DGKB: variants seen among roughly 807,000 people sequenced by gnomAD.
DGKB encodes the protein diacylglycerol kinase beta.
Under a neutral mutation model 114.3 loss-of-function variants are expected in DGKB, and 67 were observed. The observed-to-expected ratio is 0.59, with a 90% CI of 0.48 to 0.72. The LOEUF (loss-of-function observed/expected upper bound fraction) is 0.72, where lower values mean the gene tolerates loss of function less well. Ranked by LOEUF, DGKB falls within the 30% of genes least tolerant of loss-of-function variation. The pLI is 0.00. For synonymous variants in DGKB, 398 were observed against 323.1 expected, an observed-to-expected ratio of 1.23 and a Z score of -2.49; for missense variants, 907 against 975.2, an observed-to-expected ratio of 0.93 and a Z score of 0.93.
chr7:14,640,227 T>C (rs1235604946), intron 13 of DGKB, among the ~76,000 whole-genome samples: 1 of 152,182 alleles, frequency 6.6e-6, no homozygotes, highest in Non-Finnish European at 1.5e-5. Context: ...GAAATTGATA[T>C]TTTATTAAAG....
At chr7:14,631,299 T>G (rs1809662047) in intron 13 of DGKB, among the ~76,000 whole-genome samples, 1 of 144,050 alleles carries the variant, frequency 6.9e-6, no homozygotes, top group South Asian at 2.2e-4. Flanking sequence ...AATAGCTGAA[T>G]CTGAGATAGG....
At chr7:14,320,291 G>A (rs1807506358) in intron 23 of DGKB, among the ~76,000 whole-genome samples, 1 of 152,032 alleles carries the variant, frequency 6.6e-6, no homozygotes, top group African/African-American at 2.4e-5. Context: ...GACTTGGTTG[G>A]TCTAACAAAA....
chr7:14,166,869 A>G (rs1255196497), intron 25 of DGKB, among the ~76,000 whole-genome samples: 3 of 152,170 alleles, frequency 2.0e-5, no homozygotes, highest in Admixed American at 2.0e-4. Flanking sequence ...TGGTACAAAA[A>G]TAGGAAAGAA....
At chr7:14,622,520 G>T (rs1218661335) in intron 14 of DGKB, among the ~76,000 whole-genome samples, 1 of 152,006 alleles carries the variant, frequency 6.6e-6, no homozygotes, top group African/African-American at 2.4e-5. Context: ...CCACATGAAG[G>T]CCTAAAGCAC....
At chr7:14,670,452 G>A (rs145753313) in intron 13 of DGKB, among the ~76,000 whole-genome samples, 48 of 151,986 alleles carry the variant, frequency 3.2e-4, no homozygotes, top group African/African-American at 1.1e-3. Flanking sequence ...ACAGGTGCCT[G>A]CCACCACGTA....
At chr7:14,616,504 C>T (rs1806555913) in intron 15 of DGKB, among the ~76,000 whole-genome samples, 1 of 151,572 alleles carries the variant, frequency 6.6e-6, no homozygotes. Flanking sequence ...TGCTGCAATC[C>T]TAAAATATTG....
intron 15 of DGKB, among the ~76,000 whole-genome samples, chr7:14,615,078 T>C (rs1012567303): frequency 8.6e-5 from 13 of 152,044 alleles, no homozygotes; most frequent in African/African-American, 3.1e-4. Context: ...CTATTACAAA[T>C]TGAAACTCCT....
intron 1 of DGKB, among the ~76,000 whole-genome samples, chr7:14,882,330 C>A (rs751028269): frequency 2.6e-5 from 4 of 152,022 alleles, no homozygotes; most frequent in African/African-American, 9.7e-5. Flanking sequence ...AGGACCATAT[C>A]TTCTTTGCTC....
rs576269478 is a variant in DGKB at position 14,353,107 on chromosome 7, T to C, written c.1836-7716A>G. The stretch of plus-strand genomic sequence containing the variant: ...GATGCTTCCAACATTTCATGGGAAG[T>C]AGCAAAATCTAACTCAAGAAACCCT... On this transcript the variant is annotated intron_variant, in intron 21 of 25. Transcript: ENST00000402815. Among the ~76,000 whole-genome samples, 20 of 152,224 alleles carry C rather than the reference T, an allele frequency of 1.3e-4. 1 individual carries two copies. In the East Asian group the frequency reaches 3.9e-3, roughly 29 times the overall value.
chr7:14,618,041 T>C (rs757998544), intron 15 of DGKB, among the ~76,000 whole-genome samples: 57 of 151,514 alleles, frequency 3.8e-4, no homozygotes, highest in Non-Finnish European at 7.7e-4. Flanking sequence ...TGGGTTTACA[T>C]TGAGAGTTAG....
chr7:14,400,326 C>A (rs1016605800), intron 21 of DGKB, among the ~76,000 whole-genome samples: 3 of 151,768 alleles, frequency 2.0e-5, no homozygotes, highest in Admixed American at 6.6e-5. Context: ...AATCACTGAG[C>A]TAATCCAATA....
intron 20 of DGKB, among the ~76,000 whole-genome samples, chr7:14,564,133 G>C (rs1004239942): frequency 3.3e-5 from 5 of 152,148 alleles, no homozygotes; most frequent in African/African-American, 1.2e-4. Context: ...TGCTTGCTCT[G>C]TGCTGAGCAA....
In DGKB at chr7:14,951,796, T is replaced by G. The variant is rs538054354; in HGVS notation, c.-188+22900A>C. On this transcript the variant is annotated intron_variant, in intron 1 of 4. Coordinates refer to the DGKB transcript ENST00000437998. ...TATAGAACTCTATTTTCTACTCATT[T>G]TTCCTATAAACATTAAAGTGCTCAA... is the stretch of plus-strand genomic sequence containing the variant. 1.8e-4 allele frequency among the ~76,000 whole-genome samples: 27 copies of G among 152,112 alleles called. No homozygotes were observed. In the East Asian group the frequency reaches 5.1e-3, roughly 28 times the overall value.
intron 23 of DGKB, among the ~76,000 whole-genome samples, chr7:14,187,217 G>A (rs115424608): frequency 9.8e-4 from 149 of 152,240 alleles, no homozygotes; most frequent in African/African-American, 3.4e-3. Flanking sequence ...GAATACTCTG[G>A]AGAAGCTCAG....
intron 13 of DGKB, among the ~76,000 whole-genome samples, chr7:14,631,153 G>C (rs1414637344): frequency 6.6e-6 from 1 of 150,918 alleles, no homozygotes; most frequent in African/African-American, 2.4e-5. Context: ...CGAGCTATCT[G>C]AGGGAGGGTC....
chr7:14,443,670 G>C (rs918173351), intron 21 of DGKB, among the ~76,000 whole-genome samples: 1 of 151,916 alleles, frequency 6.6e-6, no homozygotes, highest in African/African-American at 2.4e-5. Flanking sequence ...AACTTTAAAG[G>C]TTCTCTCATT....
At chr7:14,948,106 A>C (rs758650579) in intron 1 of DGKB, among the ~76,000 whole-genome samples, 1 of 151,832 alleles carries the variant, frequency 6.6e-6, no homozygotes, top group Non-Finnish European at 1.5e-5. Flanking sequence ...CAACAAAAGC[A>C]AACAATTTTT....
intron 20 of DGKB, among the ~76,000 whole-genome samples, chr7:14,562,385 T>C (rs1047427657): frequency 1.3e-5 from 2 of 152,124 alleles, no homozygotes; most frequent in African/African-American, 4.8e-5. Context: ...CACTGCCTAG[T>C]GGAGCTGTGA....
chr7:14,382,461 C>T (rs937137550), intron 21 of DGKB, among the ~76,000 whole-genome samples: 1 of 151,770 alleles, frequency 6.6e-6, no homozygotes, highest in Non-Finnish European at 1.5e-5. Context: ...TACACACACA[C>T]ACACACAGAC....
Sources: allele counts gnomAD v4.1 joint callset (sites outside exome capture counted in the v4.1 genomes callset), GRCh38; gene constraint gnomAD v4.1.1; transcripts MANE v1.5; gene names NCBI Gene and HGNC (gene_info 2026-07-23, HGNC 2026-07-21).